The following CPNE8 variants were observed in gnomAD, a reference collection of about 807,000 sequenced individuals.
CPNE8 encodes copine 8.
Under a neutral mutation model 81.5 loss-of-function variants are expected in CPNE8, and 45 were observed. The observed-to-expected ratio is 0.55, with a 90% CI of 0.44 to 0.71. The LOEUF is 0.71. Ranked by LOEUF, CPNE8 falls within the 30% of genes least tolerant of loss-of-function variation. The probability of loss-of-function intolerance (pLI) is 0.00; values close to 1 mark genes in which losing one functional copy is unlikely to be tolerated. For missense variants in CPNE8, 594 were observed against 672.1 expected, an observed-to-expected ratio of 0.88 and a Z score of 1.28; for synonymous variants, 252 against 226.3, an observed-to-expected ratio of 1.11 and a Z score of -1.02.
At chr12:38,813,507 G>T (rs1942971074) in intron 6 of CPNE8, among the ~76,000 whole-genome samples, 1 of 152,112 alleles carries the variant, frequency 6.6e-6, no homozygotes, top group Admixed American at 6.6e-5. Flanking sequence ...TCAATTTTGG[G>T]GCTTATTCAA....
intron 3 of CPNE8, among the ~76,000 whole-genome samples, chr12:38,855,208 TA>T (rs917582693): frequency 2.1e-4 from 31 of 150,372 alleles, no homozygotes; most frequent in Admixed American, 7.3e-4. Context: ...ATCTATATAA[TA>T]AAAAAAAACA....
intron 15 of CPNE8, among the ~76,000 whole-genome samples, chr12:38,687,597 GTC>G (rs1213569871): frequency 2.0e-5 from 3 of 151,826 alleles, no homozygotes; most frequent in Non-Finnish European, 4.4e-5. Flanking sequence ...GACCAGGCTG[GTC>G]TCGAACTCCT....
chr12:38,676,258 T>G (rs1939286695), intron 17 of CPNE8: 1 of 963,444 alleles, frequency 1.0e-6, no homozygotes, highest in South Asian at 4.8e-5. Context: ...ATATACTTGA[T>G]TCCATTCTTA....
chr12:38,895,102 A>G (rs1369064594), intron 1 of CPNE8, among the ~76,000 whole-genome samples: 1 of 152,120 alleles, frequency 6.6e-6, no homozygotes, highest in Non-Finnish European at 1.5e-5. Flanking sequence ...TTTTACATAC[A>G]TAGAGAGCAT....
chr12:38,685,926 T>G (rs1376924666), intron 15 of CPNE8, among the ~76,000 whole-genome samples: 1 of 152,104 alleles, frequency 6.6e-6, no homozygotes, highest in African/African-American at 2.4e-5. Flanking sequence ...AATAGTATCT[T>G]AATTTACACA....
chr12:38,749,046 C>T lies in CPNE8; in HGVS notation c.722+11801G>A, dbSNP rs534878999. Among the ~76,000 whole-genome samples the T allele has an allele frequency of 7.2e-5, 11 of 152,234 alleles. No homozygotes were observed. The South Asian group carries it at 2.1e-3, about 29-fold the overall frequency. On this transcript the variant is annotated intron_variant, in intron 10 of 19. Coordinates refer to ENST00000331366, the MANE Select transcript of CPNE8 (RefSeq NM_153634.3). The stretch of plus-strand genomic sequence containing the variant: ...TCCCCACCCAAATCTCATCTTGTAG[C>T]TCCCATAATTCCCACATGTTCTGGG...
In CPNE8 at chr12:38,677,172, A is replaced by G. The variant is rs367764557; in HGVS notation, c.1374+280T>C. On this transcript the variant is annotated intron_variant, in intron 17 of 19. Coordinates refer to ENST00000331366, the MANE Select transcript of CPNE8 (RefSeq NM_153634.3). Reference sequence around the variant, plus strand: ...GATTGTACACAAATACATCAAACTAATAGAGGTTAACAAACCCATGCCTGT... The same window carrying G: ...GATTGTACACAAATACATCAAACTAGTAGAGGTTAACAAACCCATGCCTGT... Among the ~76,000 whole-genome samples, 127 of 152,276 alleles carry G rather than the reference A, an allele frequency of 8.3e-4. No individual in the cohort carries two copies. In the East Asian group the frequency reaches 9.1e-3, roughly 11 times the overall value.
intron 18 of CPNE8, among the ~76,000 whole-genome samples, chr12:38,673,372 T>C (rs1939221731): frequency 2.0e-5 from 3 of 152,276 alleles, no homozygotes; most frequent in African/African-American, 4.8e-5. Context: ...ATGTGTGATA[T>C]ATACACTTAC....
At chr12:38,848,532 C>T in intron 4 of CPNE8, 27 bp downstream of exon 4, 1 of 1,549,068 alleles carries the variant, frequency 6.5e-7, no homozygotes, top group Non-Finnish European at 8.6e-7. Context: ...TCAAATTTTT[C>T]TAAACGCAAG....
At chr12:38,872,754 A>G (rs1395696780) in intron 3 of CPNE8, among the ~76,000 whole-genome samples, 1 of 152,242 alleles carries the variant, frequency 6.6e-6, no homozygotes, top group Admixed American at 6.5e-5. Flanking sequence ...ATTGCAACAC[A>G]TTAAATTTAT....
chr12:38,684,127 A>G (rs1322251672), intron 16 of CPNE8, among the ~76,000 whole-genome samples: 1 of 152,184 alleles, frequency 6.6e-6, no homozygotes, highest in African/African-American at 2.4e-5. Context: ...GCCATCAATT[A>G]TAATTTATCT....
At chr12:38,849,496 C>G (rs1477309226) in intron 3 of CPNE8, among the ~76,000 whole-genome samples, 2 of 152,184 alleles carry the variant, frequency 1.3e-5, no homozygotes, top group Non-Finnish European at 2.9e-5. Context: ...GCTGTCTTAT[C>G]ACAAACCAAC....
intron 19 of CPNE8, among the ~76,000 whole-genome samples, chr12:38,667,810 T>A (rs191678525): frequency 9.2e-5 from 14 of 152,214 alleles, no homozygotes; most frequent in Admixed American, 7.9e-4. Flanking sequence ...TTTTCTTTCA[T>A]TTTTGAGACG....
chr12:38,860,949 T>C (rs754417891), intron 3 of CPNE8, among the ~76,000 whole-genome samples: 1 of 152,210 alleles, frequency 6.6e-6, no homozygotes, highest in Non-Finnish European at 1.5e-5. Context: ...TGGTTAACTA[T>C]ACAGCATTCC....
At chr12:38,685,714 A>G in intron 15 of CPNE8, 97 bp from the exon 16 acceptor site, 3 of 1,270,484 alleles carry the variant, frequency 2.4e-6, no homozygotes, top group Non-Finnish European at 3.3e-6. Flanking sequence ...ACACGTTGAC[A>G]CTCATATTTT....
At chr12:38,876,602 T>C in intron 1 of CPNE8, among the ~76,000 whole-genome samples, 1 of 152,134 alleles carries the variant, frequency 6.6e-6, no homozygotes, top group African/African-American at 2.4e-5. Context: ...AGATCAAAAA[T>C]AAAACAAGCC....
chr12:38,671,397 A>G (rs141754528), intron 18 of CPNE8, among the ~76,000 whole-genome samples: 93 of 152,208 alleles, frequency 6.1e-4, no homozygotes, highest in Non-Finnish European at 9.0e-4. Context: ...TCTGAAGTAC[A>G]ATTTTTTTGT....
intron 6 of CPNE8, among the ~76,000 whole-genome samples, chr12:38,781,124 T>G (rs1345481755): frequency 6.6e-6 from 1 of 152,012 alleles, no homozygotes; most frequent in Non-Finnish European, 1.5e-5. Flanking sequence ...GTAAATATGT[T>G]TAAAAACTTC....
intron 19 of CPNE8, among the ~76,000 whole-genome samples, chr12:38,665,086 T>A (rs951243930): frequency 6.6e-6 from 1 of 152,176 alleles, no homozygotes; most frequent in African/African-American, 2.4e-5. Context: ...TTACCTCTTA[T>A]TTCAAATCTT....
Sources: gnomAD v4.1 joint callset for allele counts (sites outside exome capture counted in the v4.1 genomes callset) on GRCh38, gnomAD v4.1.1 for gene constraint, MANE v1.5 for transcripts, NCBI Gene and HGNC (gene_info 2026-07-23, HGNC 2026-07-21) for gene names.